The following PKP4 variants were observed in gnomAD, a reference collection of about 807,000 sequenced individuals.
PKP4 encodes the protein plakophilin 4.
In PKP4, 90 loss-of-function variants were observed where a neutral mutation model predicts 145.1. That is an observed-to-expected ratio of 0.62 (90% CI 0.52 to 0.74). The LOEUF (loss-of-function observed/expected upper bound fraction) is 0.74, where lower values mean the gene tolerates loss of function less well. Ranked by LOEUF, PKP4 falls within the 30% of genes least tolerant of loss-of-function variation. PKP4 has a pLI of 0.00. For synonymous variants in PKP4, 563 were observed against 577.2 expected, an observed-to-expected ratio of 0.98 and a Z score of 0.35; for missense variants, 1,340 against 1,482.7, an observed-to-expected ratio of 0.90 and a Z score of 1.58.
At chr2:158,530,730 G>A (rs929336736) in intron 1 of PKP4, among the ~76,000 whole-genome samples, 1 of 151,928 alleles carries the variant, frequency 6.6e-6, no homozygotes, top group Admixed American at 6.6e-5. Flanking sequence ...CAGAGATAAG[G>A]GGTAGGGAAG....
chr2:158,638,482 T>C (rs895564173), intron 9 of PKP4, among the ~76,000 whole-genome samples: 3 of 152,174 alleles, frequency 2.0e-5, no homozygotes, highest in Admixed American at 6.5e-5. Flanking sequence ...TTCTGTGCTT[T>C]TTCTGCTGTT....
intron 9 of PKP4, among the ~76,000 whole-genome samples, chr2:158,640,277 G>A (rs565254004): frequency 1.1e-4 from 17 of 152,286 alleles, no homozygotes; most frequent in African/African-American, 1.7e-4. Context: ...TACAGTGCAC[G>A]TGTTTACCTG....
chr2:158,552,795 T>C (rs985742860), intron 2 of PKP4, among the ~76,000 whole-genome samples: 1 of 152,212 alleles, frequency 6.6e-6, no homozygotes, highest in Non-Finnish European at 1.5e-5. Flanking sequence ...TAAAAACCAA[T>C]GTACATGCGT....
chr2:158,478,982 G>A (rs1692928346), intron 1 of PKP4, among the ~76,000 whole-genome samples: 1 of 152,096 alleles, frequency 6.6e-6, no homozygotes, highest in Non-Finnish European at 1.5e-5. Context: ...ATTTTCCCCA[G>A]TATTGGAATT....
intron 21 of PKP4, among the ~76,000 whole-genome samples, 169 bp from the exon 22 acceptor site, chr2:158,680,260 G>A (rs2058351265): frequency 1.3e-5 from 2 of 152,208 alleles, no homozygotes; most frequent in South Asian, 4.1e-4. Context: ...AAAATCCTTA[G>A]AGTCCAATAG....
At position 158,621,066 on chromosome 2, in the gene PKP4, G is replaced by A; in HGVS notation, c.357G>A (p.Glu119=). ...CCAACAACTATCTCATCAGGACAGA[G>A]CCAGAACAAGGAACCCTCTATTCAC... ...VQPNNYLIRT[E]PEQGTLYSPE... is the part of the protein sequence containing the mutation. Residue 119 remains glutamate (E), a synonymous_variant, in exon 5 of 22, where the codon GAG becomes GAA. Coordinates refer to ENST00000389759, the MANE Select transcript of PKP4 (RefSeq NM_003628.6). 6.2e-7 allele frequency: 1 copy of A among 1,614,148 alleles called. No homozygotes were observed. Among genetic ancestry groups the A allele is most frequent in the South Asian group, 1.1e-5 (1 of 91,084 alleles).
rs150480813 is a variant in PKP4, at chr2:158,663,076, G to A, written c.2391G>A (p.Pro797=). The A allele has an allele frequency of 1.0e-4, 164 of 1,604,944 alleles. No homozygotes were observed. Among genetic ancestry groups the A allele is most frequent in the African/African-American group, 8.4e-4 (62 of 74,192 alleles). Residue 797 remains proline (P), a synonymous_variant, in exon 14 of 22, where the codon CCG becomes CCA. Transcript: ENST00000389759. ...GKKKKKKKRT[P]QEDQWDGVGP... ...AGAAGAAAAAGAAAAAGAGGACTCC[G>A]CAAGAAGATCAAGTTAGCATTTTAT...
chr2:158,528,690 A>G (rs1485168246), intron 1 of PKP4, among the ~76,000 whole-genome samples: 1 of 144,756 alleles, frequency 6.9e-6, no homozygotes, highest in Non-Finnish European at 1.5e-5. Flanking sequence ...AAAAAAAGAG[A>G]CCTGGGCAAA....
At chr2:158,611,210 A>T (rs532430865) in intron 4 of PKP4, among the ~76,000 whole-genome samples, 1 of 152,308 alleles carries the variant, frequency 6.6e-6, no homozygotes, top group South Asian at 2.1e-4. Context: ...TAAAATAGGA[A>T]GTTTAAAACT....
chr2:158,610,355 T>G (rs866740302), intron 4 of PKP4, among the ~76,000 whole-genome samples: 1 of 152,148 alleles, frequency 6.6e-6, no homozygotes, highest in African/African-American at 2.4e-5. Context: ...TTGAGGTAAC[T>G]TGTAAGAACG....
intron 2 of PKP4, among the ~76,000 whole-genome samples, chr2:158,544,650 T>C (rs957630018): frequency 1.3e-5 from 2 of 152,168 alleles, no homozygotes; most frequent in Non-Finnish European, 2.9e-5. Flanking sequence ...ATGGTATGAA[T>C]TGAACATCCC....
At chr2:158,674,314 G>C (rs966185971) in intron 19 of PKP4, among the ~76,000 whole-genome samples, 10 of 152,236 alleles carry the variant, frequency 6.6e-5, no homozygotes, top group Non-Finnish European at 1.5e-4. Flanking sequence ...CCTGAGAGTG[G>C]AGGGCCACAC....
chr2:158,588,636 A>G (rs190988173), intron 3 of PKP4, among the ~76,000 whole-genome samples: 14 of 152,320 alleles, frequency 9.2e-5, no homozygotes, highest in Admixed American at 3.3e-4. Flanking sequence ...ATATTGATCT[A>G]TTTTAAGAAT....
At chr2:158,510,663 TAAG>T (rs796462476) in intron 1 of PKP4, among the ~76,000 whole-genome samples, 40 of 152,318 alleles carry the variant, frequency 2.6e-4, no homozygotes, top group African/African-American at 9.4e-4. Flanking sequence ...TTTGAAATGA[TAAG>T]AAGAGCAGGG....
intron 2 of PKP4, among the ~76,000 whole-genome samples, chr2:158,545,073 C>CTTTT (rs386391605): frequency 0.36 from 26,347 of 72,456 alleles, 8,191 homozygotes; most frequent in East Asian, 0.6. Flanking sequence ...AAGTCTTTCA[C>CTTTT]TTTTTTTTTT....
At chr2:158,589,627 C>T (rs2049085588) in intron 3 of PKP4, among the ~76,000 whole-genome samples, 1 of 152,124 alleles carries the variant, frequency 6.6e-6, no homozygotes, top group Admixed American at 6.5e-5. Flanking sequence ...AGGAAACAAC[C>T]TTTAAAAATA....
In PKP4 at chr2:158,491,649, C is replaced by G. The variant is rs991655262; in HGVS notation, c.-6+34431C>G. ...CTTTAATATCCCACTTGTCTGTAAA[C>G]TTTATTGAACAGAAATCATTAAATG... is the stretch of plus-strand genomic sequence containing the variant. On this transcript the variant is annotated intron_variant, in intron 1 of 21. Coordinates refer to ENST00000389759, the MANE Select transcript of PKP4 (RefSeq NM_003628.6). Among the ~76,000 whole-genome samples, 4 of 151,926 alleles carry G rather than the reference C, an allele frequency of 2.6e-5. No individual in the cohort carries two copies. In the East Asian group the frequency reaches 7.7e-4, roughly 29 times the overall value.
intron 2 of PKP4, among the ~76,000 whole-genome samples, chr2:158,549,682 C>T (rs2045421090): frequency 2.0e-5 from 3 of 151,900 alleles, no homozygotes; most frequent in Admixed American, 2.0e-4. Flanking sequence ...ACTGAATAGC[C>T]CAGTATTTTA....
chr2:158,642,212 C>T (rs948271402), intron 10 of PKP4, among the ~76,000 whole-genome samples: 2 of 152,100 alleles, frequency 1.3e-5, no homozygotes, highest in African/African-American at 2.4e-5. Context: ...TTAGTAGAGA[C>T]GGGGTTTCAT....
Sources: allele counts gnomAD v4.1 joint callset (sites outside exome capture counted in the v4.1 genomes callset), GRCh38; gene constraint gnomAD v4.1.1; transcripts MANE v1.5; gene names NCBI Gene and HGNC (gene_info 2026-07-23, HGNC 2026-07-21).